Variants in KCNN2 observed in about 807,000 individuals in gnomAD.
KCNN2 encodes small conductance calcium-activated potassium channel protein 2.
Under a neutral mutation model 55.5 loss-of-function variants are expected in KCNN2, and 24 were observed. That is an observed-to-expected ratio of 0.43 (90% confidence interval 0.31 to 0.61). KCNN2 has a LOEUF of 0.61. KCNN2 is among the 20% of genes least tolerant of loss of function. KCNN2 has a pLI of 0.08. For missense variants in KCNN2, 754 were observed against 853.6 expected (o/e 0.88, Z 1.45); for synonymous variants, 431 against 336.1 (o/e 1.28, Z -3.09).
At chr5:114,239,065 G>C (rs1298759553) in intron 2 of KCNN2, among the ~76,000 whole-genome samples, 1 of 152,160 alleles carries the variant, frequency 6.6e-6, no homozygotes, top group Non-Finnish European at 1.5e-5. Flanking sequence ...CCCAAAGATT[G>C]CATCAGAAGC....
chr5:114,483,119 T>C (rs1580912746), intron 5 of KCNN2, among the ~76,000 whole-genome samples: 1 of 152,174 alleles, frequency 6.6e-6, no homozygotes. Flanking sequence ...CTTAAAAATA[T>C]TTTGTATCTT....
At chr5:114,144,155 T>G (rs1364917517) in intron 1 of KCNN2, among the ~76,000 whole-genome samples, 1 of 152,194 alleles carries the variant, frequency 6.6e-6, no homozygotes, top group Admixed American at 6.5e-5. Context: ...GTCAATGGCG[T>G]TTTACTGATT....
intron 1 of KCNN2, among the ~76,000 whole-genome samples, chr5:114,162,988 CGGTGCACT>C (rs996602704): frequency 6.6e-6 from 1 of 152,136 alleles, no homozygotes; most frequent in Non-Finnish European, 1.5e-5. Flanking sequence ...GGCTCATGCA[CGGTGCACT>C]GCACCCACTG....
At chr5:114,403,295 A>G (rs747908333) in intron 2 of KCNN2, among the ~76,000 whole-genome samples, 5 of 152,210 alleles carry the variant, frequency 3.3e-5, no homozygotes, top group Admixed American at 6.5e-5. Context: ...TTTGGTAAAT[A>G]AAGTAGACAA....
intron 2 of KCNN2, among the ~76,000 whole-genome samples, chr5:114,260,330 C>T (rs1044517597): frequency 3.9e-5 from 6 of 152,162 alleles, no homozygotes; most frequent in Admixed American, 3.9e-4. Context: ...CTTTGCTTAC[C>T]TCTGTGACCT....
intron 1 of KCNN2, among the ~76,000 whole-genome samples, chr5:114,150,194 T>C (rs1752492609): frequency 6.6e-6 from 1 of 152,174 alleles, no homozygotes; most frequent in African/African-American, 2.4e-5. Context: ...TCGTCTTGTA[T>C]TCCGTAGTAG....
intron 1 of KCNN2, among the ~76,000 whole-genome samples, chr5:114,151,022 A>AAAAC (rs1037782523): frequency 2.6e-5 from 4 of 152,150 alleles, no homozygotes; most frequent in South Asian, 2.1e-4. Flanking sequence ...ACTGTGTCTC[A>AAAAC]AAACAAACAA....
intron 2 of KCNN2, among the ~76,000 whole-genome samples, chr5:114,277,867 G>GT (rs1196212810): frequency 2.6e-5 from 4 of 152,168 alleles, no homozygotes; most frequent in African/African-American, 9.7e-5. Flanking sequence ...TCTCCATCCA[G>GT]TTTTGTTCCC....
chr5:114,244,747 C>A (rs574093678), intron 2 of KCNN2, among the ~76,000 whole-genome samples: 77 of 152,258 alleles, frequency 5.1e-4, no homozygotes, highest in Middle Eastern at 3.4e-3. Context: ...TAGCAGCTTC[C>A]TGGCTTGGTG....
intron 1 of KCNN2, among the ~76,000 whole-genome samples, chr5:114,077,550 C>A (rs947352529): frequency 2.0e-5 from 3 of 152,236 alleles, no homozygotes; most frequent in African/African-American, 7.2e-5. Flanking sequence ...CAGCTCTTCT[C>A]TCTTCTGCAC....
chr5:114,168,166 GAT>G (rs140274096), intron 1 of KCNN2, among the ~76,000 whole-genome samples: 19 of 139,606 alleles, frequency 1.4e-4, no homozygotes, highest in South Asian at 2.4e-4. Flanking sequence ...TATATATGTG[GAT>G]ATATATACAC....
intron 1 of KCNN2, among the ~76,000 whole-genome samples, chr5:114,196,647 T>A (rs78058608): frequency 0.018 from 2,715 of 152,192 alleles, 74 homozygotes; most frequent in African/African-American, 0.061. Context: ...TATATAGTTA[T>A]TCATAGTATT....
At position 114,496,249 on chromosome 5, in the gene KCNN2, G is replaced by C; in HGVS notation, c.*67G>C. ...TATGGTCAATATTTTAGCTTTTATT[G>C]TAAAGCCCCTATGGTTCTAATCAGC... On this transcript the variant is annotated 3_prime_UTR_variant, in exon 8 of 8. Transcript: ENST00000673685. 1 of 1,516,166 alleles carries C rather than the reference G, an allele frequency of 6.6e-7. No homozygotes were observed. The highest frequency in any genetic ancestry group is 9.0e-7 in the Non-Finnish European group (1 of 1,111,014). The allele number at this position is 1,516,166 out of a possible 1,614,324, so 93.9% of individuals were successfully genotyped here.
intron 2 of KCNN2, among the ~76,000 whole-genome samples, chr5:114,395,765 T>C (rs1302607568): frequency 6.6e-6 from 1 of 152,166 alleles, no homozygotes; most frequent in Non-Finnish European, 1.5e-5. Flanking sequence ...CACCTAGCCT[T>C]GTCTCCTAGG....
intron 2 of KCNN2, among the ~76,000 whole-genome samples, chr5:114,229,920 G>C (rs1178790487): frequency 6.6e-6 from 1 of 152,126 alleles, no homozygotes; most frequent in African/African-American, 2.4e-5. Flanking sequence ...TGCACTAGAT[G>C]CATTGTACAG....
chr5:114,282,166 T>C (rs1386768987), intron 2 of KCNN2, among the ~76,000 whole-genome samples: 3 of 152,136 alleles, frequency 2.0e-5, no homozygotes, highest in Non-Finnish European at 4.4e-5. Context: ...TATTTATTAA[T>C]TCAACTATTT....
intron 1 of KCNN2, among the ~76,000 whole-genome samples, chr5:114,178,457 A>G (rs193156845): frequency 4.1e-4 from 62 of 152,330 alleles, no homozygotes; most frequent in Non-Finnish European, 2.9e-4. Flanking sequence ...GTCAGTTTCT[A>G]TGGAAGTACA....
intron 1 of KCNN2, among the ~76,000 whole-genome samples, chr5:114,085,568 T>C (rs1309293559): frequency 2.6e-5 from 4 of 151,706 alleles, no homozygotes; most frequent in Admixed American, 6.6e-5. Flanking sequence ...TTTCAGATTT[T>C]AAAAATTGAT....
intron 1 of KCNN2, among the ~76,000 whole-genome samples, chr5:114,115,605 G>A (rs74379111): frequency 1.8e-3 from 276 of 152,124 alleles, no homozygotes; most frequent in African/African-American, 6.4e-3. Context: ...CCAAAGATTT[G>A]ACACTTTGTT....
Sources: gnomAD v4.1 joint callset for allele counts (sites outside exome capture counted in the v4.1 genomes callset) on GRCh38, gnomAD v4.1.1 for gene constraint, MANE v1.5 for transcripts, NCBI Gene and HGNC (gene_info 2026-07-23, HGNC 2026-07-21) for gene names.